AUTS2: variants seen among roughly 807,000 people sequenced by gnomAD.
AUTS2 encodes activator of transcription and developmental regulator AUTS2.
In AUTS2, 17 loss-of-function variants were observed where a neutral mutation model predicts 112.4. That is an observed-to-expected ratio of 0.15 (90% CI 0.10 to 0.23). AUTS2 has a LOEUF of 0.23. AUTS2 is among the 10% of genes least tolerant of loss of function. The probability of loss-of-function intolerance (pLI) is 1.00; values close to 1 mark genes in which losing one functional copy is unlikely to be tolerated. For synonymous variants in AUTS2, 751 were observed against 702.7 expected (o/e 1.07, Z -1.09); for missense variants, 1,510 against 1,701.6 (o/e 0.89, Z 1.98).
At chr7:69,933,554 A>T (rs560634424) in intron 2 of AUTS2, among the ~76,000 whole-genome samples, 4 of 152,238 alleles carry the variant, frequency 2.6e-5, no homozygotes, top group Non-Finnish European at 5.9e-5. Flanking sequence ...GGTCACAGTT[A>T]TGTTGGTTCT....
chr7:70,057,830 C>T (rs1247407396), intron 2 of AUTS2, among the ~76,000 whole-genome samples: 2 of 152,158 alleles, frequency 1.3e-5, no homozygotes, highest in Non-Finnish European at 2.9e-5. Context: ...ACATAAAGAC[C>T]TTACAGTGCT....
At chr7:69,987,433 T>C (rs1361656922) in intron 2 of AUTS2, among the ~76,000 whole-genome samples, 1 of 152,188 alleles carries the variant, frequency 6.6e-6, no homozygotes, top group African/African-American at 2.4e-5. Context: ...GTGTTAATGA[T>C]ATTGTAATTA....
intron 5 of AUTS2, among the ~76,000 whole-genome samples, chr7:70,647,852 C>G (rs758520245): frequency 1.4e-4 from 22 of 152,190 alleles, no homozygotes; most frequent in Non-Finnish European, 2.5e-4. Context: ...CTCAGACCAT[C>G]CAGTGTGCTC....
intron 4 of AUTS2, among the ~76,000 whole-genome samples, chr7:70,155,188 A>G (rs1439084463): frequency 6.6e-6 from 1 of 152,286 alleles, no homozygotes; most frequent in East Asian, 1.9e-4. Flanking sequence ...AGACCCATAC[A>G]TCATTTGGGG....
chr7:70,399,358 A>G (rs1450049005), intron 4 of AUTS2, among the ~76,000 whole-genome samples: 3 of 152,064 alleles, frequency 2.0e-5, no homozygotes, highest in East Asian at 1.9e-4. Flanking sequence ...ACGCCATTCT[A>G]TGTACATTGT....
intron 1 of AUTS2, among the ~76,000 whole-genome samples, chr7:69,784,958 C>T (rs1789300488): frequency 6.6e-6 from 1 of 151,890 alleles, no homozygotes; most frequent in East Asian, 1.9e-4. Flanking sequence ...ACCTTATACT[C>T]TAGCCAAGGG....
chr7:70,353,419 T>C (rs1791856498), intron 4 of AUTS2, among the ~76,000 whole-genome samples: 1 of 152,152 alleles, frequency 6.6e-6, no homozygotes, highest in South Asian at 2.1e-4. Context: ...TTTCACTGCA[T>C]TTTACTCAAG....
chr7:70,765,771 G>A (rs1789898271), intron 8 of AUTS2, among the ~76,000 whole-genome samples: 1 of 152,158 alleles, frequency 6.6e-6, no homozygotes, highest in Non-Finnish European at 1.5e-5. Context: ...TCTTGGAGAT[G>A]GGAAAACTGG....
At chr7:70,352,890 G>A (rs1359916824) in intron 4 of AUTS2, among the ~76,000 whole-genome samples, 1 of 152,184 alleles carries the variant, frequency 6.6e-6, no homozygotes, top group Non-Finnish European at 1.5e-5. Context: ...TAACCAACAA[G>A]AATGACATAG....
intron 2 of AUTS2, among the ~76,000 whole-genome samples, chr7:69,964,940 C>G (rs140558178): frequency 1.5e-3 from 221 of 152,020 alleles, no homozygotes; most frequent in African/African-American, 5.1e-3. Flanking sequence ...CTTGAGTAAT[C>G]CCCTCACCCC....
At chr7:69,822,548 T>G (rs1447234650) in intron 1 of AUTS2, among the ~76,000 whole-genome samples, 1 of 152,232 alleles carries the variant, frequency 6.6e-6, no homozygotes, top group Non-Finnish European at 1.5e-5. Context: ...ATGATACATT[T>G]TGTTTATAAT....
intron 2 of AUTS2, among the ~76,000 whole-genome samples, chr7:69,940,628 G>A (rs999933940): frequency 6.6e-6 from 1 of 152,156 alleles, no homozygotes; most frequent in Admixed American, 6.6e-5. Context: ...CATTCAAGGG[G>A]TAGAACCATG....
chr7:69,666,471 A>T (rs1410036153), intron 1 of AUTS2, among the ~76,000 whole-genome samples: 1 of 152,190 alleles, frequency 6.6e-6, no homozygotes, highest in Non-Finnish European at 1.5e-5. Context: ...CTTTGGTTAA[A>T]AACTGACTTC....
intron 4 of AUTS2, among the ~76,000 whole-genome samples, chr7:70,312,397 A>G (rs956104614): frequency 1.3e-5 from 2 of 152,228 alleles, no homozygotes; most frequent in Non-Finnish European, 2.9e-5. Flanking sequence ...TTAAGTAAAA[A>G]GAACTTTTGC....
intron 6 of AUTS2, among the ~76,000 whole-genome samples, chr7:70,750,342 T>TTC (rs1419918095): frequency 6.7e-6 from 1 of 150,254 alleles, no homozygotes; most frequent in Non-Finnish European, 1.5e-5. Flanking sequence ...TTTTTTTTTT[T>TTC]AAACAGGGTC....
intron 1 of AUTS2, among the ~76,000 whole-genome samples, chr7:69,790,312 C>T (rs1789558794): frequency 6.6e-6 from 1 of 151,982 alleles, no homozygotes; most frequent in Non-Finnish European, 1.5e-5. Flanking sequence ...ATCAGAGAAT[C>T]ATTGATTTTA....
At chr7:69,801,142 T>G (rs1277365493) in intron 1 of AUTS2, among the ~76,000 whole-genome samples, 3 of 151,630 alleles carry the variant, frequency 2.0e-5, no homozygotes, top group Non-Finnish European at 4.4e-5. Context: ...GTATGGGACA[T>G]AGCAGGTTAT....
At chr7:69,658,226 A>T (rs139224276) in intron 1 of AUTS2, among the ~76,000 whole-genome samples, 5 of 152,216 alleles carry the variant, frequency 3.3e-5, no homozygotes, top group African/African-American at 1.2e-4. Context: ...ATAGCCTAAA[A>T]TATTTGCTAT....
chr7:70,780,462 G>A (rs1424654738), intron 14 of AUTS2, among the ~76,000 whole-genome samples: 2 of 150,540 alleles, frequency 1.3e-5, no homozygotes, highest in South Asian at 2.1e-4. Context: ...AGCAACCTCC[G>A]CCTCCTAGGT....
Sources: gnomAD v4.1 joint callset for allele counts (sites outside exome capture counted in the v4.1 genomes callset) on GRCh38, gnomAD v4.1.1 for gene constraint, MANE v1.5 for transcripts, NCBI Gene and HGNC (gene_info 2026-07-23, HGNC 2026-07-21) for gene names.